C4orf33: variants seen among roughly 807,000 people sequenced by gnomAD.
C4orf33 encodes the protein chromosome 4 open reading frame 33.
A neutral mutation model predicts 24.3 loss-of-function variants in C4orf33; 20 were observed. That is an observed-to-expected ratio of 0.82 (90% CI 0.58 to 1.19). The LOEUF (loss-of-function observed/expected upper bound fraction) is 1.19, where lower values mean the gene tolerates loss of function less well. C4orf33 is among the 50% of genes most tolerant of loss of function. The pLI is 0.00. For missense variants in C4orf33, 207 were observed against 225.9 expected (o/e 0.92, Z 0.54); for synonymous variants, 67 against 76.4 (o/e 0.88, Z 0.64).
chr4:129,101,792 T>C (rs187108313), intron 1 of C4orf33, among the ~76,000 whole-genome samples: 37 of 152,312 alleles, frequency 2.4e-4, no homozygotes, highest in African/African-American at 8.9e-4. Context: ...ACTGCTTTTT[T>C]GTAGGTACTC....
At chr4:129,099,259 A>G (rs1753284162) in intron 1 of C4orf33, among the ~76,000 whole-genome samples, 1 of 152,322 alleles carries the variant, frequency 6.6e-6, no homozygotes, top group East Asian at 1.9e-4. Context: ...TTGATTAGTT[A>G]CATGAGAACC....
In C4orf33 at chr4:129,102,659, G is replaced by A. The variant is rs1561088222; in HGVS notation, c.49G>A (p.Glu17Lys). ...HTWDGFPVKHEPVFIRLNPGD... is the reference protein window; with the variant it reads ...HTWDGFPVKHKPVFIRLNPGD... Reference sequence around the variant, plus strand: ...TTGGGATGGTTTTCCAGTGAAGCATGAGCCCGTATTTATCAGGCTGAATCC... The same window carrying A: ...TTGGGATGGTTTTCCAGTGAAGCATAAGCCCGTATTTATCAGGCTGAATCC... Residue 17 changes from glutamate to lysine, a missense_variant, in exon 2 of 6, where the codon GAG becomes AAG. Physicochemically the swap from Glu to Lys is moderately conservative, Grantham distance 56 (BLOSUM62 1). Transcript: ENST00000425929. The A allele has an allele frequency of 2.5e-6, 4 of 1,614,012 alleles. No individual in the cohort carries two copies. Among genetic ancestry groups the A allele is most frequent in the Non-Finnish European group, 3.4e-6 (4 of 1,179,926 alleles).
intron 2 of C4orf33, among the ~76,000 whole-genome samples, chr4:129,105,599 G>A (rs1753493749): frequency 6.6e-6 from 1 of 152,020 alleles, no homozygotes; most frequent in Admixed American, 6.6e-5. Flanking sequence ...TGGAAAATTG[G>A]AAACAACCTA....
Position 129,112,050 on chromosome 4 carries a change from G to A in C4orf33, c.*259G>A, listed in dbSNP as rs1349110893. 1.1e-5 allele frequency: 3 copies of A among 274,556 alleles called. No individual in the cohort carries two copies. The highest frequency in any genetic ancestry group is 2.1e-5 in the Non-Finnish European group (3 of 146,124). 17.0% of individuals were successfully genotyped at this position (274,556 alleles called of 1,614,324 possible). On this transcript the variant is annotated 3_prime_UTR_variant, in exon 6 of 6. Transcript: ENST00000425929. ...CAGGATGTTGCATTCCCAGCACACA[G>A]TACAGTTATTCTTGAAAACTACAAG...
Position 129,111,761 on chromosome 4 carries a change from C to A in C4orf33, c.570C>A (p.Asp190Glu), listed in dbSNP as rs1202304776. The change falls in exon 6 of 6, where the codon GAC (aspartate) becomes GAA (glutamate). Residue 190 changes from aspartate to glutamate, a missense_variant. Asp to Glu is a conservative substitution (Grantham distance 45). Transcript: ENST00000425929. Reference protein sequence around the residue: ...LGEEWKQPESDLWLIEKCDI With the variant: ...LGEEWKQPESELWLIEKCDI ...AAGAGTGGAAACAACCGGAATCAGA[C>A]CTGTGGCTAATAGAGAAATGTGATA... 1 of 1,610,688 alleles carries A rather than the reference C, an allele frequency of 6.2e-7. No homozygotes were observed. The highest frequency in any genetic ancestry group is 8.5e-7 in the Non-Finnish European group (1 of 1,177,238).
rs142351039 is a variant in C4orf33 at position 129,107,593 on chromosome 4, C to T, written c.242+946C>T. Among the ~76,000 whole-genome samples the T allele has an allele frequency of 2.2e-4, 33 of 151,890 alleles. No individual in the cohort carries two copies. The South Asian group carries it at 3.3e-3, about 15-fold the overall frequency. On this transcript the variant is annotated intron_variant, in intron 3 of 5. Transcript: ENST00000425929. ...TAATGTAGAAAAGTCTAGCTGTTTG[C>T]GTTCTGTTTTTTAAGAAGAGTAATC...
intron 3 of C4orf33, among the ~76,000 whole-genome samples, chr4:129,108,337 A>G (rs896517957): frequency 4.6e-5 from 7 of 152,166 alleles, no homozygotes; most frequent in African/African-American, 1.7e-4. Flanking sequence ...TTTGGTTCTT[A>G]ATGACCTGGC....
intron 2 of C4orf33, among the ~76,000 whole-genome samples, chr4:129,104,029 A>G (rs535400048): frequency 6.6e-5 from 10 of 152,334 alleles, no homozygotes; most frequent in African/African-American, 2.4e-4. Flanking sequence ...CACTACAGAC[A>G]TGAAACTCAA....
In C4orf33 at chr4:129,115,336, T is replaced by G. The variant is rs964615219; in HGVS notation, c.*3545T>G. On this transcript the variant is annotated 3_prime_UTR_variant, in exon 6 of 6. Transcript: ENST00000425929. ...ACCCATTTTACTCTTTGATAGCACT[T>G]TACCTCTTTTGTCCCATGTATCTCT... 1 of 152,166 alleles carries G rather than the reference T, an allele frequency of 6.6e-6. No individual in the cohort carries two copies. The highest frequency in any genetic ancestry group is 1.5e-5 in the Non-Finnish European group (1 of 68,020). 9.4% of individuals were successfully genotyped at this position (152,166 alleles called of 1,614,324 possible). A position where few individuals can be genotyped will look rare whatever the true frequency, so the allele number is the denominator to read the frequency against.
At chr4:129,107,242 A>C (rs1468398329) in intron 3 of C4orf33, among the ~76,000 whole-genome samples, 5 of 152,004 alleles carry the variant, frequency 3.3e-5, no homozygotes, top group Non-Finnish European at 7.4e-5. Context: ...ACTCATTACA[A>C]ATATTAACCT....
At chr4:129,109,722 A>G (rs1447587173) in intron 5 of C4orf33, 50 bp downstream of exon 5, 1 of 1,486,054 alleles carries the variant, frequency 6.7e-7, no homozygotes. Flanking sequence ...AGTTTTTTCG[A>G]AATTAATTCT....
At chr4:129,107,768 A>G (rs907639721) in intron 3 of C4orf33, among the ~76,000 whole-genome samples, 4 of 152,072 alleles carry the variant, frequency 2.6e-5, no homozygotes, top group Non-Finnish European at 4.4e-5. Flanking sequence ...TAAGGCAAAC[A>G]TTCATAATTT....
chr4:129,109,280 A>C (rs768273793), intron 3 of C4orf33, 27 bp from the exon 4 acceptor site: 1 of 1,601,138 alleles, frequency 6.2e-7, no homozygotes, highest in Non-Finnish European at 8.6e-7. Context: ...TTTTTCAAAC[A>C]CTCATGAGGA....
chr4:129,115,831 A>ATATATATAT lies in C4orf33; in HGVS notation c.*4040_*4041insTATATATAT, dbSNP rs1561095059. ...ATATATATATATATATATATATATA[A>ATATATATAT]AATATATATGTTTATATATAACATA... On this transcript the variant is annotated 3_prime_UTR_variant, in exon 6 of 6. Coordinates refer to ENST00000425929, the MANE Select transcript of C4orf33 (RefSeq NM_001099783.2). The ATATATATAT allele has an allele frequency of 1.4e-4, 6 of 43,738 alleles. No homozygotes were observed. The highest frequency in any genetic ancestry group is 8.0e-4 in the East Asian group (1 of 1,248). 2.7% of individuals were successfully genotyped at this position (43,738 alleles called of 1,614,324 possible). A position where few individuals can be genotyped will look rare whatever the true frequency, so the allele number is the denominator to read the frequency against.
chr4:129,097,120 G>T (rs1753230616), intron 1 of C4orf33, among the ~76,000 whole-genome samples: 1 of 152,178 alleles, frequency 6.6e-6, no homozygotes, highest in African/African-American at 2.4e-5. Context: ...TGTTCGCCAG[G>T]ATGGTCTCGA....
In C4orf33 at chr4:129,113,638, A is replaced by G. The variant is rs1753731750; in HGVS notation, c.*1847A>G. ...CACCTAAATAGATTACACAATGTGC[A>G]TATTTATTCAGGTGCATTCTCATGC... is the stretch of plus-strand genomic sequence containing the variant. On this transcript the variant is annotated 3_prime_UTR_variant, in exon 6 of 6. Coordinates refer to ENST00000425929, the MANE Select transcript of C4orf33 (RefSeq NM_001099783.2). The G allele has an allele frequency of 6.6e-6, 1 of 152,184 alleles. No individual in the cohort carries two copies. Among genetic ancestry groups the G allele is most frequent in the East Asian group, 1.9e-4 (1 of 5,188 alleles). The allele number at this position is 152,184 out of a possible 1,614,324, so 9.4% of individuals were successfully genotyped here.
Position 129,109,495 on chromosome 4 carries a change from G to T in C4orf33, c.317G>T (p.Arg106Ile), listed in dbSNP as rs1753621814. 1 of 1,613,618 alleles carries T rather than the reference G, an allele frequency of 6.2e-7. No individual in the cohort carries two copies. The highest frequency in any genetic ancestry group is 1.1e-5 in the South Asian group (1 of 91,060). ...VWKQELPLSF[R>I]MSRGETKWEG... ...TAGCAAGAACTTCCTTTATCGTTCA[G>T]AATGTCCAGAGGAGAGACAAAATGG... The change falls in exon 5 of 6, where the codon AGA becomes ATA. Residue 106 changes from arginine to isoleucine, a missense_variant. Arg to Ile is a moderately conservative substitution (Grantham distance 97). Coordinates refer to ENST00000425929, the MANE Select transcript of C4orf33 (RefSeq NM_001099783.2).
At position 129,116,000 on chromosome 4, in the gene C4orf33, T is replaced by C. The variant is rs1753772359; in HGVS notation, c.*4209T>C. 6.6e-6 allele frequency: 1 copy of C among 151,482 alleles called. No homozygotes were observed. Among genetic ancestry groups the C allele is most frequent in the African/African-American group, 2.4e-5 (1 of 41,312 alleles). The allele number at this position is 151,482 out of a possible 1,614,324, so 9.4% of individuals were successfully genotyped here. A position where few individuals can be genotyped will look rare whatever the true frequency, so the allele number is the denominator to read the frequency against. ...AGAGCAAAACTTATAAAATTGACTATTGTAACTCTATTTTTTACCAACTAT... is the reference window on the plus strand; with the variant it reads ...AGAGCAAAACTTATAAAATTGACTACTGTAACTCTATTTTTTACCAACTAT... On this transcript the variant is annotated 3_prime_UTR_variant, in exon 6 of 6. Coordinates refer to ENST00000425929, the MANE Select transcript of C4orf33 (RefSeq NM_001099783.2).
chr4:129,105,936 C>T (rs1050634419), intron 2 of C4orf33, among the ~76,000 whole-genome samples: 69 of 152,156 alleles, frequency 4.5e-4, no homozygotes, highest in African/African-American at 1.5e-3. Context: ...ATTTTGCAGA[C>T]ATCTAGACAT....
Sources: gnomAD v4.1 joint callset for allele counts (sites outside exome capture counted in the v4.1 genomes callset) on GRCh38, gnomAD v4.1.1 for gene constraint, MANE v1.5 for transcripts, NCBI Gene and HGNC (gene_info 2026-07-23, HGNC 2026-07-21) for gene names.